Variants in ESR1 observed in about 807,000 individuals in gnomAD.
The protein encoded by ESR1 is estrogen receptor 1.
A neutral mutation model predicts 52.7 loss-of-function variants in ESR1; 12 were observed. The observed-to-expected ratio is 0.23, with a 90% CI of 0.15 to 0.37. The LOEUF (loss-of-function observed/expected upper bound fraction) is 0.37, where lower values mean the gene tolerates loss of function less well. Among genes scored for constraint, ESR1 ranks in the 10% least tolerant of loss-of-function variants. The pLI is 1.00. For missense variants in ESR1, 584 were observed against 779.7 expected, an observed-to-expected ratio of 0.75 and a Z score of 2.99; for synonymous variants, 305 against 316.8, an observed-to-expected ratio of 0.96 and a Z score of 0.39.
intron 6 of ESR1, chr6:152,113,195 G>A (rs1178514225): frequency 6.6e-6 from 1 of 152,344 alleles, no homozygotes; most frequent in Non-Finnish European, 1.5e-5. Flanking sequence ...CTGTTTGTTT[G>A]TTTGTTTGTT....
chr6:151,980,775 C>T (rs1658952550), intron 4 of ESR1, among the ~76,000 whole-genome samples: 1 of 152,202 alleles, frequency 6.6e-6, no homozygotes, highest in Non-Finnish European at 1.5e-5. Flanking sequence ...GCAATCTCAG[C>T]TCAATGCAAC....
At chr6:151,726,982 C>T (rs1386819975) in intron 2 of ESR1, among the ~76,000 whole-genome samples, 1 of 152,084 alleles carries the variant, frequency 6.6e-6, no homozygotes, top group Non-Finnish European at 1.5e-5. Context: ...ATGATGTTTG[C>T]TCTACAGATT....
chr6:151,904,844 T>C (rs539588086), intron 3 of ESR1, among the ~76,000 whole-genome samples: 52 of 152,332 alleles, frequency 3.4e-4, no homozygotes, highest in African/African-American at 1.2e-3. Context: ...ATGTTGGTTT[T>C]TGGCATTTAG....
rs988413386 is a variant in ESR1 at position 152,101,506 on chromosome 6, G to A, written c.*2540G>A. ...TTAAGATACTACTACATTTGAAGTGGGCAGAGAACATCAGATGATTGAAAT... is the reference window on the plus strand; with the variant it reads ...TTAAGATACTACTACATTTGAAGTGAGCAGAGAACATCAGATGATTGAAAT... On this transcript the variant is annotated 3_prime_UTR_variant, in exon 8 of 8. Coordinates refer to ENST00000206249, the MANE Select transcript of ESR1 (RefSeq NM_000125.4). 4 of 232,188 alleles carry A rather than the reference G, an allele frequency of 1.7e-5. No homozygotes were observed. The highest frequency in any genetic ancestry group is 3.4e-5 in the Non-Finnish European group (4 of 117,520). The allele number at this position is 232,188 out of a possible 1,614,324, so 14.4% of individuals were successfully genotyped here. A position where few individuals can be genotyped will look rare whatever the true frequency, so the allele number is the denominator to read the frequency against.
At chr6:151,988,678 A>G (rs2040734223) in intron 4 of ESR1, among the ~76,000 whole-genome samples, 1 of 152,080 alleles carries the variant, frequency 6.6e-6, no homozygotes, top group Non-Finnish European at 1.5e-5. Flanking sequence ...AACCCCCATG[A>G]CACAAGTTTA....
intron 1 of ESR1, chr6:151,814,313 T>C (rs1448899346): frequency 6.6e-6 from 1 of 152,184 alleles, no homozygotes; most frequent in Non-Finnish European, 1.5e-5. Flanking sequence ...GAATTTTGAG[T>C]CCATTCTCAT....
chr6:151,946,112 TG>T (rs1178258332), intron 4 of ESR1, among the ~76,000 whole-genome samples: 6 of 152,250 alleles, frequency 3.9e-5, no homozygotes, highest in Non-Finnish European at 8.8e-5. Flanking sequence ...GTAATATGGC[TG>T]TAAGTTTTTT....
At chr6:151,749,401 ATTTATCATT>A (rs1450640061) in intron 2 of ESR1, among the ~76,000 whole-genome samples, 2 of 152,178 alleles carry the variant, frequency 1.3e-5, no homozygotes, top group East Asian at 3.9e-4. Flanking sequence ...CATCTCAAAC[ATTTATCATT>A]TCTTTGTGGT....
At chr6:151,661,876 G>T (rs1386853212) in intron 1 of ESR1, among the ~76,000 whole-genome samples, 1 of 152,060 alleles carries the variant, frequency 6.6e-6, no homozygotes. Context: ...TTTGCCTTCC[G>T]CCATGATTGT....
intron 2 of ESR1, among the ~76,000 whole-genome samples, chr6:151,777,667 A>G (rs2128117160): frequency 6.6e-6 from 1 of 152,268 alleles, no homozygotes; most frequent in South Asian, 2.1e-4. Flanking sequence ...GGTGATTAAA[A>G]TGTACAATAG....
intron 2 of ESR1, among the ~76,000 whole-genome samples, chr6:151,706,013 T>C (rs1780158077): frequency 6.6e-6 from 1 of 152,180 alleles, no homozygotes; most frequent in East Asian, 1.9e-4. Context: ...GGTACCAGAA[T>C]TTTCTGTACA....
chr6:151,842,208 G>T (rs1349876673), intron 1 of ESR1, among the ~76,000 whole-genome samples: 1 of 152,122 alleles, frequency 6.6e-6, no homozygotes, highest in Admixed American at 6.6e-5. Flanking sequence ...GCTGTTTTAT[G>T]CTTTGTCTCT....
At chr6:151,760,046 TGTGA>T (rs1784560300) in intron 2 of ESR1, among the ~76,000 whole-genome samples, 1 of 152,250 alleles carries the variant, frequency 6.6e-6, no homozygotes, top group Non-Finnish European at 1.5e-5. Context: ...CATGCATATG[TGTGA>T]GTAAGCTGAC....
At chr6:152,093,151 C>T (rs953852287) in intron 6 of ESR1, among the ~76,000 whole-genome samples, 2 of 151,928 alleles carry the variant, frequency 1.3e-5, no homozygotes, top group South Asian at 2.1e-4. Flanking sequence ...GTGGCAGGCT[C>T]GTGTATTCCC....
intron 6 of ESR1, among the ~76,000 whole-genome samples, chr6:152,067,457 A>T (rs765430645): frequency 6.6e-6 from 1 of 152,228 alleles, no homozygotes; most frequent in Non-Finnish European, 1.5e-5. Context: ...AACAAAGGAG[A>T]ATGCCATCTC....
At chr6:151,889,943 T>A (rs1393498898) in intron 3 of ESR1, among the ~76,000 whole-genome samples, 2 of 152,188 alleles carry the variant, frequency 1.3e-5, no homozygotes, top group Non-Finnish European at 2.9e-5. Context: ...TATTTTCAAG[T>A]ATTTGTGAAT....
intron 2 of ESR1, among the ~76,000 whole-genome samples, chr6:151,851,291 A>G (rs1465922696): frequency 6.6e-6 from 1 of 152,282 alleles, no homozygotes; most frequent in Non-Finnish European, 1.5e-5. Context: ...CCTGAAGATA[A>G]TGCAGAAATT....
intron 6 of ESR1, among the ~76,000 whole-genome samples, chr6:152,079,272 C>T (rs775654545): frequency 5.9e-5 from 9 of 152,120 alleles, no homozygotes; most frequent in African/African-American, 1.2e-4. Context: ...CCCTCTGGGA[C>T]GAAGCTTCCA....
chr6:152,079,308 G>A (rs1439129664), intron 6 of ESR1, among the ~76,000 whole-genome samples: 1 of 152,208 alleles, frequency 6.6e-6, no homozygotes, highest in Admixed American at 6.5e-5. Context: ...AGCAATATTT[G>A]TTGTTCTGCA....
Sources: allele counts gnomAD v4.1 joint callset (sites outside exome capture counted in the v4.1 genomes callset), GRCh38; gene constraint gnomAD v4.1.1; transcripts MANE v1.5; gene names NCBI Gene and HGNC (gene_info 2026-07-23, HGNC 2026-07-21).